The following CDK19 variants were observed in gnomAD, a reference collection of about 807,000 sequenced individuals.
The protein encoded by CDK19 is cyclin dependent kinase 19.
Under a neutral mutation model 68.3 loss-of-function variants are expected in CDK19, and 20 were observed. The observed-to-expected ratio is 0.29, with a 90% CI of 0.21 to 0.43. CDK19 has a LOEUF of 0.43. CDK19 is among the 20% of genes least tolerant of loss of function. The pLI, the probability that CDK19 is intolerant of heterozygous loss-of-function variation, is 1.00. For synonymous variants in CDK19, 221 were observed against 222.8 expected, an observed-to-expected ratio of 0.99 and a Z score of 0.07; for missense variants, 339 against 623.5, an observed-to-expected ratio of 0.54 and a Z score of 4.86.
intron 4 of CDK19, among the ~76,000 whole-genome samples, chr6:110,656,148 T>C (rs1354563440): frequency 1.3e-5 from 2 of 152,220 alleles, no homozygotes; most frequent in African/African-American, 4.8e-5. Context: ...TCATAATTTC[T>C]TTTGTAAACC....
rs552532516 is a variant in CDK19, at chr6:110,745,210, A to T, written c.204+916T>A. The stretch of plus-strand genomic sequence containing the variant: ...TGATCTGTAAAATGGGGATATTAAA[A>T]TTTTATTTCACAGATTGTTGTGAAA... On this transcript the variant is annotated intron_variant, in intron 2 of 12. Coordinates refer to ENST00000368911, the MANE Select transcript of CDK19 (RefSeq NM_015076.5). 4.6e-5 allele frequency among the ~76,000 whole-genome samples: 7 copies of T among 152,280 alleles called. No individual in the cohort carries two copies. The South Asian group carries it at 1.5e-3, about 32-fold the overall frequency.
At chr6:110,688,621 C>A (rs2691190) in intron 2 of CDK19, among the ~76,000 whole-genome samples, 5,389 of 152,226 alleles carry the variant, frequency 0.035, 308 homozygotes, top group African/African-American at 0.12. Context: ...TACATCCCCA[C>A]CAGGGAACCT....
intron 4 of CDK19, among the ~76,000 whole-genome samples, chr6:110,665,119 A>G (rs1781843604): frequency 6.6e-6 from 1 of 152,262 alleles, no homozygotes; most frequent in Non-Finnish European, 1.5e-5. Context: ...GAACTATTTC[A>G]AAGTTCTTGA....
At chr6:110,793,435 G>A (rs1253622070) in intron 1 of CDK19, among the ~76,000 whole-genome samples, 4 of 152,126 alleles carry the variant, frequency 2.6e-5, no homozygotes, top group East Asian at 3.8e-4. Context: ...TATCCTAAAT[G>A]TTAAGTCTTT....
chr6:110,812,801 G>A (rs1783204579), intron 1 of CDK19, among the ~76,000 whole-genome samples: 1 of 125,360 alleles, frequency 8.0e-6, no homozygotes, highest in Non-Finnish European at 1.7e-5. Flanking sequence ...TCTGCCCACT[G>A]TTTAAAACAG....
At chr6:110,767,228 G>A (rs575203847) in intron 1 of CDK19, among the ~76,000 whole-genome samples, 2 of 152,136 alleles carry the variant, frequency 1.3e-5, no homozygotes, top group African/African-American at 2.4e-5. Context: ...GAAGGGCCAG[G>A]GGATGGGGAG....
At chr6:110,702,256 G>T (rs1346624935) in intron 2 of CDK19, among the ~76,000 whole-genome samples, 1 of 152,036 alleles carries the variant, frequency 6.6e-6, no homozygotes, top group Non-Finnish European at 1.5e-5. Context: ...GACCAGACTG[G>T]ACAACATAGT....
intron 1 of CDK19, among the ~76,000 whole-genome samples, chr6:110,788,041 T>C (rs1300721830): frequency 2.0e-5 from 3 of 152,206 alleles, no homozygotes; most frequent in Non-Finnish European, 4.4e-5. Flanking sequence ...GGTTTCATCA[T>C]GTTAGTCAGG....
intron 1 of CDK19, among the ~76,000 whole-genome samples, chr6:110,776,033 G>T (rs1319807842): frequency 6.6e-6 from 1 of 152,128 alleles, no homozygotes; most frequent in Non-Finnish European, 1.5e-5. Context: ...GTGAAACAAG[G>T]TTTTTAAAAA....
chr6:110,689,723 A>G (rs551799911), intron 2 of CDK19, among the ~76,000 whole-genome samples: 1 of 152,322 alleles, frequency 6.6e-6, no homozygotes, highest in Non-Finnish European at 1.5e-5. Context: ...CACCCTCATC[A>G]GACTTGGTGC....
chr6:110,788,632 G>C (rs1443832862), intron 1 of CDK19, among the ~76,000 whole-genome samples: 1 of 151,882 alleles, frequency 6.6e-6, no homozygotes, highest in Non-Finnish European at 1.5e-5. Context: ...TAGCAATCCT[G>C]CACCCACAGA....
chr6:110,784,893 T>C (rs1781088861), intron 1 of CDK19, among the ~76,000 whole-genome samples: 1 of 152,132 alleles, frequency 6.6e-6, no homozygotes, highest in African/African-American at 2.4e-5. Context: ...GATTTCATTT[T>C]TACATATGTC....
intron 2 of CDK19, among the ~76,000 whole-genome samples, chr6:110,725,867 A>G (rs1365323196): frequency 6.6e-6 from 1 of 152,250 alleles, no homozygotes; most frequent in East Asian, 1.9e-4. Flanking sequence ...TATTTACATC[A>G]AAGTGTAAAA....
intron 1 of CDK19, among the ~76,000 whole-genome samples, chr6:110,797,371 ATTCAAAAAAC>A (rs1782014119): frequency 6.6e-6 from 1 of 152,128 alleles, no homozygotes; most frequent in South Asian, 2.1e-4. Flanking sequence ...CTTTTTCTGT[ATTCAAAAAAC>A]ATTTGTCAGT....
intron 1 of CDK19, among the ~76,000 whole-genome samples, chr6:110,759,428 AATAT>A (rs34490988): frequency 3.9e-5 from 2 of 50,916 alleles, no homozygotes; most frequent in African/African-American, 1.7e-4. Flanking sequence ...AAAAAAAAAA[AATAT>A]ATATATATAT....
intron 2 of CDK19, among the ~76,000 whole-genome samples, chr6:110,692,419 T>C (rs1773081730): frequency 6.6e-6 from 1 of 151,310 alleles, no homozygotes; most frequent in Non-Finnish European, 1.5e-5. Flanking sequence ...GCTTTTGAAC[T>C]AACCCAATCA....
intron 2 of CDK19, among the ~76,000 whole-genome samples, chr6:110,718,947 G>C (rs1409295546): frequency 6.6e-6 from 1 of 152,054 alleles, no homozygotes; most frequent in African/African-American, 2.4e-5. Flanking sequence ...AGGAGGGAAA[G>C]ATATGAGGTA....
chr6:110,787,921 C>A (rs559522384), intron 1 of CDK19, among the ~76,000 whole-genome samples: 6 of 151,102 alleles, frequency 4.0e-5, no homozygotes, highest in African/African-American at 7.3e-5. Flanking sequence ...CTCACTGCAA[C>A]TTCTGCCTCC....
chr6:110,784,122 G>A (rs1303598831), intron 1 of CDK19, among the ~76,000 whole-genome samples: 6 of 130,572 alleles, frequency 4.6e-5, no homozygotes, highest in African/African-American at 1.8e-4. Context: ...TCACACCACT[G>A]CATTCCAGCT....
Sources: allele counts gnomAD v4.1 joint callset (sites outside exome capture counted in the v4.1 genomes callset), GRCh38; gene constraint gnomAD v4.1.1; transcripts MANE v1.5; gene names NCBI Gene and HGNC (gene_info 2026-07-23, HGNC 2026-07-21).